FSTL5: variants seen among roughly 807,000 people sequenced by gnomAD.
FSTL5 encodes the protein follistatin-related protein 5.
Under a neutral mutation model 89.1 loss-of-function variants are expected in FSTL5, and 62 were observed. The ratio of observed to expected loss-of-function variants is 0.70; its 90% CI spans 0.57 to 0.86. FSTL5 has a LOEUF of 0.86. Ranked by LOEUF, FSTL5 falls within the 40% of genes least tolerant of loss-of-function variation. The pLI, the probability that FSTL5 is intolerant of heterozygous loss-of-function variation, is 0.00. For missense variants in FSTL5, 1,057 were observed against 1,001.6 expected (o/e 1.06, Z -0.75); for synonymous variants, 383 against 346.2 (o/e 1.11, Z -1.18).
At chr4:161,775,753 T>C (rs2126804000) in intron 5 of FSTL5, 125 bp downstream of exon 5, 1 of 494,328 alleles carries the variant, frequency 2.0e-6, no homozygotes, top group Non-Finnish European at 3.5e-6. Flanking sequence ...AATGTTGTTA[T>C]TCATATACTT....
At chr4:161,479,426 A>G (rs1277063155) in intron 13 of FSTL5, among the ~76,000 whole-genome samples, 1 of 152,162 alleles carries the variant, frequency 6.6e-6, no homozygotes, top group African/African-American at 2.4e-5. Context: ...TTCAGAGAGT[A>G]TAGTTCTCTA....
At chr4:162,080,156 C>G (rs1730037196) in intron 2 of FSTL5, among the ~76,000 whole-genome samples, 1 of 151,640 alleles carries the variant, frequency 6.6e-6, no homozygotes, top group African/African-American at 2.4e-5. Flanking sequence ...CAACATAGTA[C>G]TGAGATTATT....
intron 2 of FSTL5, among the ~76,000 whole-genome samples, chr4:162,085,842 C>CT (rs1448453741): frequency 1.1e-4 from 17 of 152,144 alleles, no homozygotes; most frequent in African/African-American, 4.1e-4. Context: ...GATTTGATAC[C>CT]TTTGAGTTAT....
At chr4:161,614,037 G>A (rs925284766) in intron 7 of FSTL5, among the ~76,000 whole-genome samples, 2 of 151,972 alleles carry the variant, frequency 1.3e-5, no homozygotes, top group Non-Finnish European at 2.9e-5. Context: ...AAAAACAATA[G>A]GCTTAGAATA....
chr4:161,978,403 G>A (rs1473864346), intron 3 of FSTL5, among the ~76,000 whole-genome samples: 1 of 151,744 alleles, frequency 6.6e-6, no homozygotes, highest in Non-Finnish European at 1.5e-5. Flanking sequence ...ACTTTTTTTT[G>A]TTGTTTAAAT....
At chr4:162,040,045 G>A (rs1427607464) in intron 2 of FSTL5, among the ~76,000 whole-genome samples, 1 of 151,946 alleles carries the variant, frequency 6.6e-6, no homozygotes, top group South Asian at 2.1e-4. Context: ...AATTTTGTGG[G>A]AAATATACAT....
chr4:161,595,926 AT>A (rs1387077770), intron 7 of FSTL5, among the ~76,000 whole-genome samples: 1 of 152,046 alleles, frequency 6.6e-6, no homozygotes, highest in East Asian at 1.9e-4. Flanking sequence ...AGTTTTCTGT[AT>A]AAAATATGTT....
intron 12 of FSTL5, among the ~76,000 whole-genome samples, chr4:161,489,582 C>T (rs1473886342): frequency 2.0e-5 from 3 of 151,966 alleles, no homozygotes; most frequent in Admixed American, 2.0e-4. Context: ...TTAAACTTTC[C>T]TCAGTTTTGA....
chr4:161,514,640 G>A (rs1730755418), intron 10 of FSTL5, among the ~76,000 whole-genome samples: 1 of 151,818 alleles, frequency 6.6e-6, no homozygotes. Flanking sequence ...ATAAATAAAT[G>A]GAGAATCAAA....
At chr4:162,092,469 T>G (rs914245480) in intron 2 of FSTL5, among the ~76,000 whole-genome samples, 7 of 152,346 alleles carry the variant, frequency 4.6e-5, no homozygotes, top group East Asian at 3.9e-4. Context: ...TGGTAAGAGA[T>G]AAATTTCCCA....
At chr4:161,437,280 C>T (rs1028521658) in intron 15 of FSTL5, among the ~76,000 whole-genome samples, 1 of 151,912 alleles carries the variant, frequency 6.6e-6, no homozygotes, top group African/African-American at 2.4e-5. Flanking sequence ...GAAAATAAAA[C>T]AACGGGCAGG....
At chr4:161,943,039 T>C (rs185572010) in intron 3 of FSTL5, among the ~76,000 whole-genome samples, 92 of 152,128 alleles carry the variant, frequency 6.0e-4, no homozygotes, top group African/African-American at 1.8e-3. Flanking sequence ...TGATACATAA[T>C]ACAAAATGGA....
intron 2 of FSTL5, among the ~76,000 whole-genome samples, chr4:162,086,106 T>C (rs1351653562): frequency 6.6e-6 from 1 of 152,076 alleles, no homozygotes; most frequent in Non-Finnish European, 1.5e-5. Flanking sequence ...CCTTAATATT[T>C]AATATATTTA....
chr4:161,649,375 C>T (rs1736258801), intron 7 of FSTL5, among the ~76,000 whole-genome samples: 1 of 151,990 alleles, frequency 6.6e-6, no homozygotes, highest in Non-Finnish European at 1.5e-5. Flanking sequence ...GAATTAAACT[C>T]AATCCTTACA....
intron 4 of FSTL5, among the ~76,000 whole-genome samples, chr4:161,883,322 T>C (rs954779298): frequency 7.2e-5 from 11 of 152,222 alleles, no homozygotes; most frequent in Admixed American, 6.5e-4. Context: ...CTCAAAAACA[T>C]TCTTTAACAA....
chr4:161,700,477 T>G (rs1468177131), intron 6 of FSTL5, among the ~76,000 whole-genome samples: 1 of 152,190 alleles, frequency 6.6e-6, no homozygotes, highest in Non-Finnish European at 1.5e-5. Flanking sequence ...CTTTTTTCTT[T>G]TTTTAATTTT....
chr4:161,977,599 C>A (rs571927971), intron 3 of FSTL5, among the ~76,000 whole-genome samples: 2 of 125,520 alleles, frequency 1.6e-5, no homozygotes, highest in Admixed American at 9.3e-5. Flanking sequence ...GGCGACACAG[C>A]GAGACTCCGT....
chr4:162,036,787 T>C (rs1332403722), intron 2 of FSTL5, among the ~76,000 whole-genome samples: 1 of 151,932 alleles, frequency 6.6e-6, no homozygotes, highest in Non-Finnish European at 1.5e-5. Context: ...TCTAAGAAAA[T>C]GCCCATTCAA....
At chr4:161,905,303 CA>C (rs970097402) in intron 4 of FSTL5, among the ~76,000 whole-genome samples, 5 of 152,040 alleles carry the variant, frequency 3.3e-5, no homozygotes, top group African/African-American at 1.2e-4. Flanking sequence ...ACTATATCTG[CA>C]AGGCACTTCA....
Sources: allele counts gnomAD v4.1 joint callset (sites outside exome capture counted in the v4.1 genomes callset), GRCh38; gene constraint gnomAD v4.1.1; transcripts MANE v1.5; gene names NCBI Gene and HGNC (gene_info 2026-07-23, HGNC 2026-07-21).